Variants in LIN28B observed in about 807,000 individuals in gnomAD.
The protein encoded by LIN28B is protein lin-28 homolog B.
LIN28B carries 5 observed loss-of-function variants against 21.9 expected under a neutral mutation model. That is an observed-to-expected ratio of 0.23 (90% CI 0.12 to 0.48). The LOEUF (loss-of-function observed/expected upper bound fraction) is 0.48. LIN28B is among the 20% of genes least tolerant of loss of function. The pLI, the probability that LIN28B is intolerant of heterozygous loss-of-function variation, is 0.98. For missense variants in LIN28B, 245 were observed against 310.5 expected, an observed-to-expected ratio of 0.79 and a Z score of 1.58; for synonymous variants, 109 against 111.3, an observed-to-expected ratio of 0.98 and a Z score of 0.13.
chr6:105,036,910 A>G (rs776514507), intron 3 of LIN28B, among the ~76,000 whole-genome samples: 3 of 152,044 alleles, frequency 2.0e-5, no homozygotes, highest in Non-Finnish European at 4.4e-5. Flanking sequence ...GTAGTATTTT[A>G]GAAATTTGAT....
rs1282286169 is a variant in LIN28B, at chr6:105,081,471, A to C, written c.*2688A>C. The stretch of plus-strand genomic sequence containing the variant: ...GTTGATACATAGCACACCTGTATGT[A>C]TGCTGTTCCAGCCTTACAGGTGGCT... On this transcript the variant is annotated 3_prime_UTR_variant, in exon 4 of 4. Coordinates refer to ENST00000345080, the MANE Select transcript of LIN28B (RefSeq NM_001004317.4). 6.6e-6 allele frequency: 1 copy of C among 152,652 alleles called. No individual in the cohort carries two copies. Among genetic ancestry groups the C allele is most frequent in the African/African-American group, 2.4e-5 (1 of 41,458 alleles). The allele number at this position is 152,652 out of a possible 1,614,324, so 9.5% of individuals were successfully genotyped here. A position where few individuals can be genotyped will look rare whatever the true frequency, so the allele number is the denominator to read the frequency against.
intron 2 of LIN28B, among the ~76,000 whole-genome samples, chr6:104,941,951 AAGTAAT>A (rs150382219): frequency 0.039 from 5,897 of 152,232 alleles, 115 homozygotes; most frequent in Middle Eastern, 0.066. Context: ...TCTTAAATGT[AAGTAAT>A]AGTAAGTCCG....
At chr6:104,990,291 C>T (rs989553971) in intron 2 of LIN28B, among the ~76,000 whole-genome samples, 2 of 151,368 alleles carry the variant, frequency 1.3e-5, no homozygotes, top group Non-Finnish European at 2.9e-5. Context: ...GTTCTGCAGG[C>T]ATAGCGTTTT....
At chr6:105,064,285 T>C (rs1223788717) in intron 3 of LIN28B, among the ~76,000 whole-genome samples, 1 of 152,170 alleles carries the variant, frequency 6.6e-6, no homozygotes, top group Non-Finnish European at 1.5e-5. Context: ...AATCAAAGAA[T>C]AGACATATTT....
At chr6:105,062,313 G>C (rs1024000959) in intron 3 of LIN28B, among the ~76,000 whole-genome samples, 3 of 151,928 alleles carry the variant, frequency 2.0e-5, no homozygotes, top group African/African-American at 7.3e-5. Flanking sequence ...GTTCTGTTTT[G>C]TTTTGTTTTT....
chr6:105,049,372 T>G (rs1199800872), intron 3 of LIN28B, among the ~76,000 whole-genome samples: 1 of 152,170 alleles, frequency 6.6e-6, no homozygotes, highest in East Asian at 1.9e-4. Context: ...AGAGACAGTT[T>G]GTTATAATTT....
intron 2 of LIN28B, among the ~76,000 whole-genome samples, chr6:104,974,432 T>C (rs1373527632): frequency 6.8e-6 from 1 of 146,002 alleles, no homozygotes; most frequent in East Asian, 2.0e-4. Context: ...GAGGTTGCAG[T>C]GAGCCAATAT....
chr6:104,957,642 G>A (rs1778309940), intron 1 of LIN28B, among the ~76,000 whole-genome samples: 1 of 151,992 alleles, frequency 6.6e-6, no homozygotes, highest in Non-Finnish European at 1.5e-5. Flanking sequence ...AAATAACGCT[G>A]GATTCAGTGC....
chr6:105,082,071 T>TA lies in LIN28B; in HGVS notation c.*3289dup, dbSNP rs1177630427. 3 of 152,634 alleles carry TA rather than the reference T, an allele frequency of 2.0e-5. No individual in the cohort carries two copies. Among genetic ancestry groups the TA allele is most frequent in the African/African-American group, 7.2e-5 (3 of 41,456 alleles). The allele number at this position is 152,634 out of a possible 1,614,324, so 9.5% of individuals were successfully genotyped here. On this transcript the variant is annotated 3_prime_UTR_variant, in exon 4 of 4. Coordinates refer to ENST00000345080, the MANE Select transcript of LIN28B (RefSeq NM_001004317.4). ...TAAACAAGATGCATTGCCAGTCTCTTAGCCCTGTAAGCTGATCTTTTGCTA... is the reference window on the plus strand; with the variant it reads ...TAAACAAGATGCATTGCCAGTCTCTTAAGCCCTGTAAGCTGATCTTTTGCTA...
chr6:104,973,350 T>C (rs186591976), intron 2 of LIN28B, among the ~76,000 whole-genome samples: 2 of 152,344 alleles, frequency 1.3e-5, no homozygotes, highest in Admixed American at 6.5e-5. Context: ...GAATTCATTA[T>C]TTTGATTTAT....
chr6:105,078,007 TG>T (rs1322581370), intron 3 of LIN28B, among the ~76,000 whole-genome samples: 1 of 152,214 alleles, frequency 6.6e-6, no homozygotes, highest in Non-Finnish European at 1.5e-5. Context: ...TGCCAACAGC[TG>T]TATTTCTACA....
intron 2 of LIN28B, among the ~76,000 whole-genome samples, chr6:105,011,229 G>T (rs1399202322): frequency 4.6e-5 from 7 of 152,102 alleles, no homozygotes; most frequent in African/African-American, 7.2e-5. Flanking sequence ...TGACTCTATT[G>T]CCCAAGCTGG....
At chr6:104,950,685 G>C (rs957084628) in intron 3 of LIN28B, among the ~76,000 whole-genome samples, 1 of 151,952 alleles carries the variant, frequency 6.6e-6, no homozygotes, top group Non-Finnish European at 1.5e-5. Context: ...CTAAAAAACT[G>C]GTGTTCCCAT....
At chr6:105,053,937 T>C (rs561560280) in intron 3 of LIN28B, among the ~76,000 whole-genome samples, 3 of 152,170 alleles carry the variant, frequency 2.0e-5, no homozygotes, top group African/African-American at 7.2e-5. Flanking sequence ...AGAGACAGGG[T>C]TTCACCGTGT....
At chr6:104,997,816 A>G (rs924200683) in intron 2 of LIN28B, among the ~76,000 whole-genome samples, 8 of 152,214 alleles carry the variant, frequency 5.3e-5, no homozygotes, top group Admixed American at 2.0e-4. Context: ...TTATATGCCT[A>G]GCATCCCCAT....
chr6:105,032,850 T>C (rs9322826), intron 3 of LIN28B, among the ~76,000 whole-genome samples: 16,019 of 152,242 alleles, frequency 0.11, 879 homozygotes, highest in African/African-American at 0.14. Context: ...CACCCTCATA[T>C]ACTCTTTGAC....
chr6:104,989,576 GTTT>G (rs34394074), intron 2 of LIN28B, among the ~76,000 whole-genome samples: 28 of 60,598 alleles, frequency 4.6e-4, no homozygotes, highest in South Asian at 2.6e-3. Context: ...TTTTACTTGG[GTTT>G]TTTTTTTTTT....
chr6:104,980,049 T>C (rs1375862114), intron 2 of LIN28B, among the ~76,000 whole-genome samples: 1 of 152,186 alleles, frequency 6.6e-6, no homozygotes, highest in Non-Finnish European at 1.5e-5. Context: ...TACAAATTTA[T>C]TAATAGGTCC....
At chr6:105,004,105 G>C (rs1044342796) in intron 2 of LIN28B, among the ~76,000 whole-genome samples, 13 of 152,138 alleles carry the variant, frequency 8.5e-5, no homozygotes, top group Non-Finnish European at 1.8e-4. Context: ...AAAGATGAAG[G>C]CTGGGAGGCT....
Sources: gnomAD v4.1 joint callset for allele counts (sites outside exome capture counted in the v4.1 genomes callset) on GRCh38, gnomAD v4.1.1 for gene constraint, MANE v1.5 for transcripts, NCBI Gene and HGNC (gene_info 2026-07-23, HGNC 2026-07-21) for gene names.